The following STK33 variants were observed in gnomAD, a reference collection of about 807,000 sequenced individuals.
STK33 encodes serine/threonine-protein kinase 33.
A neutral mutation model predicts 58.0 loss-of-function variants in STK33; 52 were observed. The ratio of observed to expected loss-of-function variants is 0.90; its 90% CI spans 0.72 to 1.13. STK33 has a LOEUF of 1.13. Ranked by LOEUF, STK33 falls within the 50% of genes most tolerant of loss-of-function variation. The pLI, the probability that STK33 is intolerant of heterozygous loss-of-function variation, is 0.00. For missense variants in STK33, 630 were observed against 604.2 expected, an observed-to-expected ratio of 1.04 and a Z score of -0.45; for synonymous variants, 215 against 200.1, an observed-to-expected ratio of 1.07 and a Z score of -0.63.
chr11:8,533,606 T>C (rs1467759328), intron 1 of STK33: 1 of 151,430 alleles, frequency 6.6e-6, no homozygotes, highest in African/African-American at 2.5e-5. Context: ...ACCATTAATA[T>C]TTAAGAAAGG....
At chr11:8,375,227 T>C in the STK33 span, among the ~76,000 whole-genome samples, 2 of 152,252 alleles carry the variant, frequency 1.3e-5, no homozygotes, top group Admixed American at 6.5e-5. Flanking sequence ...TAGTCGCTTG[T>C]TGGTTAACCC....
At chr11:8,492,657 C>T (rs1022534599) in intron 1 of STK33, among the ~76,000 whole-genome samples, 18 of 152,300 alleles carry the variant, frequency 1.2e-4, no homozygotes, top group Admixed American at 2.0e-4. Flanking sequence ...CTTCTCAGCA[C>T]CACATCACAC....
intron 15 of STK33, among the ~76,000 whole-genome samples, chr11:8,407,484 A>C (rs1443990875): frequency 6.6e-6 from 1 of 152,076 alleles, no homozygotes; most frequent in African/African-American, 2.4e-5. Context: ...CTTTTTAGTA[A>C]AGTTCTTTAC....
chr11:8,427,741 T>C (rs1344415878), intron 14 of STK33, among the ~76,000 whole-genome samples: 1 of 152,260 alleles, frequency 6.6e-6, no homozygotes, highest in Non-Finnish European at 1.5e-5. Context: ...CCTATATCAC[T>C]GCATTCTATA....
chr11:8,420,152 A>G (rs1329717401), intron 14 of STK33, among the ~76,000 whole-genome samples: 3 of 152,108 alleles, frequency 2.0e-5, no homozygotes, highest in African/African-American at 7.2e-5. Context: ...ATCAATGTAA[A>G]TTATAGTAAG....
intron 1 of STK33, among the ~76,000 whole-genome samples, chr11:8,494,038 A>G (rs1950855252): frequency 6.6e-6 from 1 of 152,218 alleles, no homozygotes; most frequent in African/African-American, 2.4e-5. Flanking sequence ...AAACCTGCAC[A>G]AGACAGGGAT....
At chr11:8,485,372 A>G (rs1950130476) in intron 1 of STK33, among the ~76,000 whole-genome samples, 1 of 152,208 alleles carries the variant, frequency 6.6e-6, no homozygotes, top group Admixed American at 6.5e-5. Flanking sequence ...TTCAAAGCAC[A>G]CTTTTTAACC....
chr11:8,461,012 T>A (rs765362742), intron 8 of STK33, among the ~76,000 whole-genome samples: 1 of 152,172 alleles, frequency 6.6e-6, no homozygotes, highest in Non-Finnish European at 1.5e-5. Context: ...ATATCAATTG[T>A]CTCATTTAAT....
chr11:8,402,116 GTA>G (rs1438423306), intron 15 of STK33, among the ~76,000 whole-genome samples: 1 of 152,156 alleles, frequency 6.6e-6, no homozygotes, highest in East Asian at 1.9e-4. Context: ...CCATTACTTG[GTA>G]TATACCCAAA....
chr11:8,363,335 C>T, the STK33 span, among the ~76,000 whole-genome samples: 1 of 152,220 alleles, frequency 6.6e-6, no homozygotes, highest in Admixed American at 6.5e-5. Context: ...AAAGTACACA[C>T]ATTTTCAGTA....
In STK33 at chr11:8,403,308, G is replaced by A. The variant is rs186702307; in HGVS notation, c.1344+10187C>T. Among the ~76,000 whole-genome samples the A allele has an allele frequency of 5.3e-5, 8 of 152,186 alleles. No homozygotes were observed. In the South Asian group the frequency reaches 1.2e-3, roughly 24 times the overall value. ...CCTTATATAAAATCATGATGAATTC[G>A]TACCTGAAACACTGCAACCAGCTTG... On this transcript the variant is annotated intron_variant, in intron 15 of 15. Coordinates refer to ENST00000687296, the MANE Select transcript of STK33 (RefSeq NM_001352389.2).
At chr11:8,572,750 G>GT (rs1957913026) in intron 1 of STK33, among the ~76,000 whole-genome samples, 1 of 151,664 alleles carries the variant, frequency 6.6e-6, no homozygotes, top group South Asian at 2.1e-4. Flanking sequence ...GACCCAAATG[G>GT]AACCTCTACA....
chr11:8,421,456 G>C (rs1459766502), intron 14 of STK33, among the ~76,000 whole-genome samples: 1 of 152,102 alleles, frequency 6.6e-6, no homozygotes. Context: ...GATACACCTG[G>C]ATATGTTTCT....
chr11:8,396,325 A>C lies in STK33; in HGVS notation c.1345-3615T>G, dbSNP rs181255850. On this transcript the variant is annotated intron_variant, in intron 15 of 15. Coordinates refer to ENST00000687296, the MANE Select transcript of STK33 (RefSeq NM_001352389.2). ...CACCATGTTGGCCAGGATGATCTCA[A>C]TATGCAAATGTTTATGCTTCTGTGT... Among the ~76,000 whole-genome samples, 299 of 152,300 alleles carry C rather than the reference A, an allele frequency of 2.0e-3. 7 individuals carry two copies. Among genetic ancestry groups the C allele is most frequent in the Admixed American group, 0.016 (238 of 15,296 alleles).
intron 15 of STK33, among the ~76,000 whole-genome samples, chr11:8,409,466 T>C (rs1279391132): frequency 6.6e-6 from 1 of 152,156 alleles, no homozygotes; most frequent in Admixed American, 6.5e-5. Flanking sequence ...GATGAGAAAA[T>C]AGCCTTCAAC....
chr11:8,509,704 T>C (rs1219171242), intron 1 of STK33, among the ~76,000 whole-genome samples: 2 of 152,160 alleles, frequency 1.3e-5, no homozygotes. Flanking sequence ...TATATCATTC[T>C]TATGCCTTTG....
the STK33 span, among the ~76,000 whole-genome samples, chr11:8,360,322 G>A: frequency 3.9e-5 from 6 of 152,200 alleles, no homozygotes; most frequent in Non-Finnish European, 4.4e-5. Context: ...CCCAGCAGAA[G>A]GCACAGCTCC....
At chr11:8,474,153 C>T (rs1949041987) in intron 5 of STK33, among the ~76,000 whole-genome samples, 1 of 145,448 alleles carries the variant, frequency 6.9e-6, no homozygotes, top group Non-Finnish European at 1.5e-5. Flanking sequence ...CCAGCCAGGG[C>T]AACAAGAGCA....
chr11:8,522,408 G>A (rs1364996775), intron 1 of STK33, among the ~76,000 whole-genome samples: 1 of 151,848 alleles, frequency 6.6e-6, no homozygotes, highest in Non-Finnish European at 1.5e-5. Flanking sequence ...CTCCCTCATA[G>A]GTGGAAACTG....
Sources: gnomAD v4.1 joint callset for allele counts (sites outside exome capture counted in the v4.1 genomes callset) on GRCh38, gnomAD v4.1.1 for gene constraint, MANE v1.5 for transcripts, NCBI Gene and HGNC (gene_info 2026-07-23, HGNC 2026-07-21) for gene names.